UBE2V2: variants seen among roughly 807,000 people sequenced by gnomAD.
The protein encoded by UBE2V2 is ubiquitin conjugating enzyme E2 V2.
Under a neutral mutation model 17.2 loss-of-function variants are expected in UBE2V2, and 9 were observed. The observed-to-expected ratio is 0.52, with a 90% CI of 0.32 to 0.91. The LOEUF is 0.91. Among genes scored for constraint, UBE2V2 ranks in the 40% least tolerant of loss-of-function variants. The pLI is 0.04. For missense variants in UBE2V2, 133 were observed against 182.6 expected, an observed-to-expected ratio of 0.73 and a Z score of 1.56; for synonymous variants, 61 against 57.5, an observed-to-expected ratio of 1.06 and a Z score of -0.28.
chr8:48,013,432 G>A lies in UBE2V2; in HGVS notation c.16+4962G>A, dbSNP rs112270919. 4.0e-4 allele frequency among the ~76,000 whole-genome samples: 61 copies of A among 151,652 alleles called. 1 individual carries two copies. Among genetic ancestry groups the A allele is most frequent in the Middle Eastern group, 3.4e-3 (1 of 292 alleles). Reference sequence around the variant, plus strand: ...ATGCCATTCTGTGGCCTCAGCCTCCGAAGTAGCTGGGACTATAGGCGCCTG... The same window carrying A: ...ATGCCATTCTGTGGCCTCAGCCTCCAAAGTAGCTGGGACTATAGGCGCCTG... On this transcript the variant is annotated intron_variant, in intron 1 of 3. Transcript: ENST00000523111.
intron 1 of UBE2V2, chr8:48,042,761 T>C: frequency 4.1e-6 from 1 of 243,898 alleles, no homozygotes; most frequent in Non-Finnish European, 7.8e-6. Flanking sequence ...GATTTCCTTA[T>C]GGTTGATTGA....
intron 1 of UBE2V2, among the ~76,000 whole-genome samples, chr8:48,020,423 ATAG>A (rs1020623148): frequency 1.3e-5 from 2 of 152,066 alleles, no homozygotes; most frequent in African/African-American, 4.8e-5. Flanking sequence ...TTGGCAGCAT[ATAG>A]TTGGGTCTTG....
At chr8:48,007,772 G>A (rs1330208654), upstream of UBE2V2, among the ~76,000 whole-genome samples, 1 of 149,274 alleles carries the variant, frequency 6.7e-6, no homozygotes, top group Non-Finnish European at 1.5e-5. Context: ...GTCTCCCTCT[G>A]TTGCCCAGGC....
chr8:48,020,040 GTCTC>G (rs1199422047), intron 1 of UBE2V2, among the ~76,000 whole-genome samples: 1 of 151,094 alleles, frequency 6.6e-6, no homozygotes, highest in Non-Finnish European at 1.5e-5. Context: ...CTCTCTCTCT[GTCTC>G]TCTTTTTTTT....
chr8:48,017,408 T>C (rs936150717), intron 1 of UBE2V2, among the ~76,000 whole-genome samples: 2 of 151,540 alleles, frequency 1.3e-5, no homozygotes, highest in African/African-American at 2.4e-5. Context: ...AGTTTCGCTC[T>C]TGTTGCCCAG....
intron 3 of UBE2V2, among the ~76,000 whole-genome samples, chr8:48,054,727 C>T (rs905057120): frequency 2.0e-5 from 3 of 152,092 alleles, no homozygotes; most frequent in African/African-American, 4.8e-5. Flanking sequence ...TTTAATACGA[C>T]GAGGCAAAGT....
the UBE2V2 span, among the ~76,000 whole-genome samples, chr8:47,997,605 G>C: frequency 6.6e-6 from 1 of 152,072 alleles, no homozygotes; most frequent in Non-Finnish European, 1.5e-5. Flanking sequence ...TGTCGGGATG[G>C]GAGGACAAGG....
chr8:48,017,378 C>CT (rs778688669), intron 1 of UBE2V2, among the ~76,000 whole-genome samples: 2,350 of 142,382 alleles, frequency 0.017, 30 homozygotes, highest in Non-Finnish European at 0.025. Flanking sequence ...TTCTCTCTCT[C>CT]TTTTTTTTTT....
chr8:48,054,340 G>A (rs1268872321), intron 3 of UBE2V2, among the ~76,000 whole-genome samples: 2 of 152,040 alleles, frequency 1.3e-5, no homozygotes, highest in African/African-American at 2.4e-5. Context: ...CTTTCCTCCC[G>A]GCTGGGTCAA....
In UBE2V2 at chr8:48,048,467, A is replaced by G. The variant is rs2091514568; in HGVS notation, c.166-1386A>G. 2.0e-5 allele frequency among the ~76,000 whole-genome samples: 3 copies of G among 152,290 alleles called. No individual in the cohort carries two copies. The Middle Eastern group carries it at 0.01, about 518-fold the overall frequency. The stretch of plus-strand genomic sequence containing the variant: ...ATTTCGCTTGGGTAAATGCCTAGGA[A>G]TAGAATTGCTGTATCATAGGGGAGT... On this transcript the variant is annotated intron_variant, in intron 2 of 3. Transcript: ENST00000523111.
the UBE2V2 span, among the ~76,000 whole-genome samples, chr8:48,000,992 C>G: frequency 1.3e-5 from 2 of 151,996 alleles, no homozygotes; most frequent in Non-Finnish European, 2.9e-5. Context: ...AAGGATGGCC[C>G]CTCTCAGTGT....
intron 1 of UBE2V2, among the ~76,000 whole-genome samples, chr8:48,031,434 G>T (rs1340167668): frequency 1.3e-5 from 2 of 152,044 alleles, no homozygotes; most frequent in African/African-American, 4.8e-5. Flanking sequence ...GATTCTAAAT[G>T]AACTCTCCAT....
intron 1 of UBE2V2, among the ~76,000 whole-genome samples, chr8:48,032,983 G>A (rs1244289236): frequency 1.3e-5 from 2 of 151,966 alleles, no homozygotes; most frequent in Admixed American, 6.6e-5. Context: ...TGTTAAAAGC[G>A]GATAGGATGG....
upstream of UBE2V2, among the ~76,000 whole-genome samples, chr8:48,005,530 A>G (rs978943111): frequency 9.8e-5 from 15 of 152,314 alleles, no homozygotes; most frequent in African/African-American, 3.4e-4. Context: ...TTGGGTATAT[A>G]CCCAGTAATG....
At chr8:48,053,046 A>G (rs1197652820) in intron 3 of UBE2V2, among the ~76,000 whole-genome samples, 1 of 152,078 alleles carries the variant, frequency 6.6e-6, no homozygotes, top group Non-Finnish European at 1.5e-5. Flanking sequence ...AGCTGGGACT[A>G]CAAGTGTGTG....
intron 1 of UBE2V2, among the ~76,000 whole-genome samples, chr8:48,031,678 C>T (rs1378274215): frequency 1.3e-5 from 2 of 152,026 alleles, no homozygotes; most frequent in Non-Finnish European, 2.9e-5. Flanking sequence ...TTTTTTGAGA[C>T]GGAGTCTTGC....
intron 1 of UBE2V2, among the ~76,000 whole-genome samples, chr8:48,038,092 G>A (rs557871060): frequency 6.6e-6 from 1 of 151,898 alleles, no homozygotes; most frequent in African/African-American, 2.4e-5. Context: ...GGCTCCACCC[G>A]TCCAATCCTC....
intron 1 of UBE2V2, among the ~76,000 whole-genome samples, chr8:48,024,917 A>G (rs978231038): frequency 5.3e-5 from 8 of 151,196 alleles, no homozygotes; most frequent in Non-Finnish European, 8.8e-5. Flanking sequence ...ATACATATAT[A>G]TTATTTGTTC....
At chr8:48,023,826 A>G (rs2091321680) in intron 1 of UBE2V2, among the ~76,000 whole-genome samples, 1 of 152,134 alleles carries the variant, frequency 6.6e-6, no homozygotes, top group African/African-American at 2.4e-5. Flanking sequence ...CATTGAGCCA[A>G]GATTGCGCCA....
Sources: gnomAD v4.1 joint callset for allele counts (sites outside exome capture counted in the v4.1 genomes callset) on GRCh38, gnomAD v4.1.1 for gene constraint, MANE v1.5 for transcripts, NCBI Gene and HGNC (gene_info 2026-07-23, HGNC 2026-07-21) for gene names.